Variants in TOP1MT observed in about 807,000 individuals in gnomAD.
TOP1MT encodes DNA topoisomerase I, mitochondrial.
Under a neutral mutation model 73.9 loss-of-function variants are expected in TOP1MT, and 80 were observed. The observed-to-expected ratio is 1.08, with a 90% CI of 0.90 to 1.30. TOP1MT has a LOEUF of 1.30. Ranked by LOEUF, TOP1MT falls within the 50% of genes most tolerant of loss-of-function variation. The pLI, the probability that TOP1MT is intolerant of heterozygous loss-of-function variation, is 0.00. For missense variants in TOP1MT, 815 were observed against 808.0 expected, an observed-to-expected ratio of 1.01 and a Z score of -0.10; for synonymous variants, 338 against 326.4, an observed-to-expected ratio of 1.04 and a Z score of -0.38.
chr8:143,355,791 C>T (rs1011029832), intron 1 of TOP1MT, among the ~76,000 whole-genome samples: 5 of 152,244 alleles, frequency 3.3e-5, no homozygotes, highest in South Asian at 2.1e-4. Context: ...TTCCTAACTC[C>T]GCTCAAGCGG....
intron 12 of TOP1MT, among the ~76,000 whole-genome samples, chr8:143,315,054 G>C (rs895464242): frequency 6.6e-5 from 10 of 152,152 alleles, no homozygotes; most frequent in Non-Finnish European, 1.2e-4. Flanking sequence ...TCTAGCGGTA[G>C]CATCAGTGTC....
chr8:143,355,799 C>T (rs966737700), intron 1 of TOP1MT, among the ~76,000 whole-genome samples: 1 of 152,086 alleles, frequency 6.6e-6, no homozygotes, highest in Admixed American at 6.5e-5. Flanking sequence ...TCCGCTCAAG[C>T]GGAAACAAAG....
chr8:143,346,950 C>CTTCTTTCT (rs756881820), upstream of TOP1MT, among the ~76,000 whole-genome samples: 297 of 138,382 alleles, frequency 2.1e-3, 1 homozygote, highest in African/African-American at 7.3e-3. Flanking sequence ...AAAAGCCTCA[C>CTTCTTTCT]TTCTTTATTT....
chr8:143,322,341 G>GGCACGCCACACAC, intron 7 of TOP1MT, among the ~76,000 whole-genome samples: 1 of 38,318 alleles, frequency 2.6e-5, no homozygotes, highest in South Asian at 1.2e-3. Flanking sequence ...CACACACACA[G>GGCACGCCACACAC]GCACGCCACA....
rs893817912 is a variant in TOP1MT at position 143,344,428 on chromosome 8, G to C, written c.-39+488C>G. Reference sequence around the variant, plus strand: ...CAGTGGCAGGAGCTCAGGAGGCTTTGGGCTGGCCCTGAGACACCACCACCC... The same window carrying C: ...CAGTGGCAGGAGCTCAGGAGGCTTTCGGCTGGCCCTGAGACACCACCACCC... On this transcript the variant is annotated intron_variant, in intron 1 of 5. Coordinates refer to the TOP1MT transcript ENST00000518007. The surrounding 1 kb of genome is among the most constrained non-coding windows in gnomAD (Gnocchi z 4.6). 1 of 152,386 alleles carries C rather than the reference G, an allele frequency of 6.6e-6. No individual in the cohort carries two copies. Among genetic ancestry groups the C allele is most frequent in the African/African-American group, 2.4e-5 (1 of 41,508 alleles). The allele number at this position is 152,386 out of a possible 1,614,324, so 9.4% of individuals were successfully genotyped here. A position where few individuals can be genotyped will look rare whatever the true frequency, so the allele number is the denominator to read the frequency against.
chr8:143,323,956 G>A, intron 7 of TOP1MT, 43 bp downstream of exon 7: 1 of 1,605,566 alleles, frequency 6.2e-7, no homozygotes. Flanking sequence ...CTCGCCAGGA[G>A]AACCAGGATG....
chr8:143,321,856 ACGCATGC>A (rs1563758439), intron 7 of TOP1MT, among the ~76,000 whole-genome samples: 5 of 97,870 alleles, frequency 5.1e-5, no homozygotes, highest in Non-Finnish European at 9.9e-5. Flanking sequence ...CACGCCACAC[ACGCATGC>A]CACACGCACA....
upstream of TOP1MT, among the ~76,000 whole-genome samples, chr8:143,348,606 TGG>T (rs71516023): frequency 2.4e-5 from 3 of 127,634 alleles, no homozygotes; most frequent in African/African-American, 6.1e-5. This position sits in a 1 kb window ranked among gnomAD's most constrained non-coding sequence, Gnocchi z 4.6. Flanking sequence ...AGCTGGGGGG[TGG>T]GGGGGGGTGG....
At chr8:143,323,850 C>A (rs1034677518) in intron 7 of TOP1MT, 149 bp downstream of exon 7, 67 of 819,886 alleles carry the variant, frequency 8.2e-5, no homozygotes, top group Non-Finnish European at 1.2e-4. Context: ...TTCACACCCA[C>A]ACACGTGTGC....
chr8:143,351,116 C>T (rs946420407), intron 1 of TOP1MT, among the ~76,000 whole-genome samples: 2 of 152,190 alleles, frequency 1.3e-5, no homozygotes, highest in Non-Finnish European at 2.9e-5. Flanking sequence ...CCCCTACCCC[C>T]GATGTCTCCT....
At chr8:143,322,462 CACAG>C (rs1816473199) in intron 7 of TOP1MT, among the ~76,000 whole-genome samples, 1 of 108,426 alleles carries the variant, frequency 9.2e-6, no homozygotes, top group African/African-American at 3.9e-5. Flanking sequence ...AGGCATGCCA[CACAG>C]GCACGCCACA....
upstream of TOP1MT, among the ~76,000 whole-genome samples, chr8:143,337,896 G>A (rs527630176): frequency 9.9e-5 from 15 of 152,226 alleles, 1 homozygote; most frequent in South Asian, 1.5e-3. Context: ...GAAGCATTGC[G>A]TAACTCCCTG....
At chr8:143,328,625 C>G (rs768899351) in intron 3 of TOP1MT, among the ~76,000 whole-genome samples, 4 of 152,262 alleles carry the variant, frequency 2.6e-5, no homozygotes, top group Non-Finnish European at 4.4e-5. Flanking sequence ...AGGCAACTCA[C>G]ACATATGTGC....
intron 2 of TOP1MT, among the ~76,000 whole-genome samples, chr8:143,342,776 C>CTAG (rs1554622823): frequency 1.3e-5 from 1 of 78,732 alleles, no homozygotes; most frequent in East Asian, 4.0e-4. Context: ...GAGTCTTGCT[C>CTAG]TATTATTATT....
chr8:143,357,783 T>C (rs1389601001), upstream of TOP1MT, among the ~76,000 whole-genome samples: 1 of 151,850 alleles, frequency 6.6e-6, no homozygotes, highest in African/African-American at 2.4e-5. Flanking sequence ...TAGCTGGGTG[T>C]GGTGGCACAC....
chr8:143,332,354 T>C (rs1476222172), intron 1 of TOP1MT: 1 of 623,842 alleles, frequency 1.6e-6, no homozygotes, highest in East Asian at 6.8e-5. Context: ...GGATGGCCAG[T>C]GCAAAGGCCT....
upstream of TOP1MT, among the ~76,000 whole-genome samples, chr8:143,356,966 C>A (rs950391900): frequency 4.6e-5 from 7 of 151,190 alleles, no homozygotes; most frequent in African/African-American, 1.7e-4. Context: ...TGGTGGCGGG[C>A]GCCTTTAGTC....
intron 12 of TOP1MT, among the ~76,000 whole-genome samples, chr8:143,312,874 GC>G (rs1816049325): frequency 1.3e-5 from 2 of 152,216 alleles, no homozygotes; most frequent in African/African-American, 4.8e-5. Context: ...ATTGCTTAAA[GC>G]CAGGAGTTCA....
chr8:143,323,757 C>CAT (rs1816620747), intron 7 of TOP1MT, among the ~76,000 whole-genome samples: 1 of 3,562 alleles, frequency 2.8e-4, no homozygotes, highest in Non-Finnish European at 4.4e-4. Context: ...ATGCACGCCC[C>CAT]ACACAGACAT....
Sources: allele counts gnomAD v4.1 joint callset (sites outside exome capture counted in the v4.1 genomes callset), GRCh38; gene constraint gnomAD v4.1.1; non-coding constraint Gnocchi (gnomAD v3.1); transcripts MANE v1.5; gene names NCBI Gene and HGNC (gene_info 2026-07-23, HGNC 2026-07-21).